SLC13A3: variants seen among roughly 807,000 people sequenced by gnomAD.
The protein encoded by SLC13A3 is solute carrier family 13 member 3.
A neutral mutation model predicts 59.0 loss-of-function variants in SLC13A3; 40 were observed. The ratio of observed to expected loss-of-function variants is 0.68; its 90% CI spans 0.53 to 0.88. The LOEUF (loss-of-function observed/expected upper bound fraction) is 0.88, where lower values mean the gene tolerates loss of function less well. Ranked by LOEUF, SLC13A3 falls within the 40% of genes least tolerant of loss-of-function variation. The pLI, the probability that SLC13A3 is intolerant of heterozygous loss-of-function variation, is 0.00. For missense variants in SLC13A3, 699 were observed against 783.2 expected (o/e 0.89, Z 1.28); for synonymous variants, 317 against 330.3 (o/e 0.96, Z 0.44).
At chr20:46,591,497 A>G (rs1297708951) in intron 6 of SLC13A3, among the ~76,000 whole-genome samples, 1 of 152,214 alleles carries the variant, frequency 6.6e-6, no homozygotes, top group African/African-American at 2.4e-5. Context: ...AAGTGCCAGT[A>G]TTATATTTTG....
Position 46,589,121 on chromosome 20 carries a change from A to AT in SLC13A3, c.1016+38dup, listed in dbSNP as rs539376188. On this transcript the variant is annotated intron_variant, in intron 7 of 12. Transcript: ENST00000279027. ...AGGAGGAAGCTCTCCTGAGCGTTTA[A>AT]TACTCAGCTCTTTCCTTAACCCAAG... 84 of 1,573,744 alleles carry AT rather than the reference A, an allele frequency of 5.3e-5. 1 individual carries two copies. In the Admixed American group the frequency reaches 1.1e-3, roughly 20 times the overall value.
In SLC13A3 at chr20:46,605,260, A is replaced by G. The variant is rs77240540; in HGVS notation, c.541+5186T>C. On this transcript the variant is annotated intron_variant, in intron 3 of 12. Coordinates refer to ENST00000279027, the MANE Select transcript of SLC13A3 (RefSeq NM_022829.6). The stretch of plus-strand genomic sequence containing the variant: ...TATCAGGCATTATTTTCTGATGATG[A>G]TGATGATAAAGTCATGAAGATGAAA... Among the ~76,000 whole-genome samples, 274 of 152,312 alleles carry G rather than the reference A, an allele frequency of 1.8e-3. 4 individuals are homozygous for G. In the East Asian group the frequency reaches 0.043, roughly 24 times the overall value.
chr20:46,655,942 A>G (rs1398038875), upstream of SLC13A3, among the ~76,000 whole-genome samples: 1 of 142,680 alleles, frequency 7.0e-6, no homozygotes, highest in African/African-American at 2.6e-5. Flanking sequence ...ATACTACAGT[A>G]TATATATACA....
At chr20:46,603,192 AAAAG>A (rs1825146611) in intron 3 of SLC13A3, among the ~76,000 whole-genome samples, 1 of 152,158 alleles carries the variant, frequency 6.6e-6, no homozygotes, top group Non-Finnish European at 1.5e-5. Context: ...TCAAAAAAAA[AAAAG>A]AGTTAACTTA....
chr20:46,625,956 G>A (rs1275243802), intron 1 of SLC13A3, among the ~76,000 whole-genome samples: 1 of 152,198 alleles, frequency 6.6e-6, no homozygotes, highest in African/African-American at 2.4e-5. Context: ...TATGGAAAAA[G>A]TTGTTGTGAA....
At chr20:46,609,901 T>C (rs1378277149) in intron 3 of SLC13A3, among the ~76,000 whole-genome samples, 1 of 152,198 alleles carries the variant, frequency 6.6e-6, no homozygotes, top group Non-Finnish European at 1.5e-5. Context: ...GCAAAACTGC[T>C]GGGTTACAGA....
At chr20:46,610,311 T>G in intron 3 of SLC13A3, 135 bp downstream of exon 3, 1 of 832,650 alleles carries the variant, frequency 1.2e-6, no homozygotes, top group Non-Finnish European at 1.9e-6. Flanking sequence ...GTCATTGTCA[T>G]AACTAAAACA....
rs1415284141 is a variant in SLC13A3, at chr20:46,600,017, G to A, written c.562C>T (p.Leu188=). 2.5e-6 allele frequency: 4 copies of A among 1,578,580 alleles called. No individual in the cohort carries two copies. The South Asian group carries it at 4.6e-5, about 18-fold the overall frequency. ...ENTAAVRRNG[L]HTVPTEMQFL... is the part of the protein sequence containing the mutation. ...TGCATCTCCGTGGGCACAGTGTGTAGGCCGTTTCTCCGCACAGCAGCTAGG... is the reference window on the plus strand; with the variant it reads ...TGCATCTCCGTGGGCACAGTGTGTAAGCCGTTTCTCCGCACAGCAGCTAGG... Residue 188 remains leucine (L), a synonymous_variant, in exon 4 of 13, where the codon CTA becomes TTA. Coordinates refer to ENST00000279027, the MANE Select transcript of SLC13A3 (RefSeq NM_022829.6).
In SLC13A3 at chr20:46,583,658, T is replaced by C; in HGVS notation, c.1133A>G (p.Asp378Gly). ...ASLFNPGFLS[D>G]AVTGVAIVTI... ...GACAATAGCCACGCCGGTGACAGCATCAGAAAGAAACCTACAATGAGAAGG... is the reference window on the plus strand; with the variant it reads ...GACAATAGCCACGCCGGTGACAGCACCAGAAAGAAACCTACAATGAGAAGG... The change falls in exon 9 of 13, where the codon GAT becomes GGT. Residue 378 changes from aspartate to glycine, a missense_variant. By Grantham distance (94) the Asp-to-Gly change is moderately conservative. Coordinates refer to ENST00000279027, the MANE Select transcript of SLC13A3 (RefSeq NM_022829.6). The C allele has an allele frequency of 6.2e-7, 1 of 1,613,756 alleles. No homozygotes were observed. Among genetic ancestry groups the C allele is most frequent in the Non-Finnish European group, 8.5e-7 (1 of 1,179,966 alleles).
At chr20:46,667,069 CACCGAGGGCAAGTTATTTCCCAACGG>C in intron 1 of SLC13A3, among the ~76,000 whole-genome samples, 1 of 152,166 alleles carries the variant, frequency 6.6e-6, no homozygotes, top group African/African-American at 2.4e-5. Context: ...TTCCTATAAA[CACCGAGGGCAAGTTATTTCCCAACGG>C]ACCCATTCCA....
At chr20:46,577,070 G>A (rs536520258) in intron 9 of SLC13A3, among the ~76,000 whole-genome samples, 2 of 102,298 alleles carry the variant, frequency 2.0e-5, no homozygotes. Context: ...GTCTACAGAC[G>A]TATGAAGCCC....
chr20:46,646,895 G>A (rs746315595), intron 1 of SLC13A3, among the ~76,000 whole-genome samples: 12 of 152,132 alleles, frequency 7.9e-5, no homozygotes, highest in Non-Finnish European at 1.6e-4. Flanking sequence ...TGCGAATGCA[G>A]TTCTGATTCC....
chr20:46,668,856 TAGATGAC>T (rs2063075393), intron 1 of SLC13A3, among the ~76,000 whole-genome samples: 1 of 152,240 alleles, frequency 6.6e-6, no homozygotes. Context: ...CAACAAAGTC[TAGATGAC>T]AGTACATCTG....
At position 46,604,037 on chromosome 20, in the gene SLC13A3, C is replaced by A. The variant is rs146924471; in HGVS notation, c.542-4000G>T. Among the ~76,000 whole-genome samples, 56 of 151,098 alleles carry A rather than the reference C, an allele frequency of 3.7e-4. No homozygotes were observed. In the East Asian group the frequency reaches 7.8e-3, roughly 21 times the overall value. On this transcript the variant is annotated intron_variant, in intron 3 of 12. Transcript: ENST00000279027. Reference sequence around the variant, plus strand: ...AAAGAATTTAACAGGAAGCTGAGTACTAGCAAATGTTCAGTAAATATGGGT... The same window carrying A: ...AAAGAATTTAACAGGAAGCTGAGTAATAGCAAATGTTCAGTAAATATGGGT...
At chr20:46,650,884 G>A (rs1242033714) in intron 1 of SLC13A3, among the ~76,000 whole-genome samples, 2 of 152,036 alleles carry the variant, frequency 1.3e-5, no homozygotes, top group Non-Finnish European at 2.9e-5. Context: ...GGACAACATA[G>A]TGAGACCCTA....
rs1260961709 is a variant in SLC13A3 at position 46,559,579 on chromosome 20, G to A, written c.*443C>T. On this transcript the variant is annotated 3_prime_UTR_variant, in exon 13 of 13. Transcript: ENST00000279027. ...GCTGGAACAACTGGGTTGGAACATT[G>A]CAGCCCAGGAAAGTGATCTTTAAAG... 1 of 154,214 alleles carries A rather than the reference G, an allele frequency of 6.5e-6. No individual in the cohort carries two copies. The highest frequency in any genetic ancestry group is 2.4e-5 in the African/African-American group (1 of 41,520). The allele number at this position is 154,214 out of a possible 1,614,324, so 9.6% of individuals were successfully genotyped here. A position where few individuals can be genotyped will look rare whatever the true frequency, so the allele number is the denominator to read the frequency against.
At chr20:46,574,901 G>T (rs375359340) in intron 10 of SLC13A3, among the ~76,000 whole-genome samples, 1 of 146,242 alleles carries the variant, frequency 6.8e-6, no homozygotes, top group Non-Finnish European at 1.5e-5. Flanking sequence ...ACAGTATTAT[G>T]ATCATGACTC....
intron 6 of SLC13A3, among the ~76,000 whole-genome samples, chr20:46,591,869 A>G (rs1029973305): frequency 6.6e-6 from 1 of 152,124 alleles, no homozygotes; most frequent in African/African-American, 2.4e-5. Context: ...TGTGGCAGGC[A>G]GGTCACACCT....
At chr20:46,601,032 G>A (rs1336459753) in intron 3 of SLC13A3, among the ~76,000 whole-genome samples, 2 of 152,056 alleles carry the variant, frequency 1.3e-5, no homozygotes, top group African/African-American at 4.8e-5. Flanking sequence ...AAGTGCAAAG[G>A]CCCGGCAGTA....
Sources: allele counts gnomAD v4.1 joint callset (sites outside exome capture counted in the v4.1 genomes callset), GRCh38; gene constraint gnomAD v4.1.1; transcripts MANE v1.5; gene names NCBI Gene and HGNC (gene_info 2026-07-23, HGNC 2026-07-21).